The following RGSL1 variants were observed in gnomAD, a reference collection of about 807,000 sequenced individuals.
The protein encoded by RGSL1 is regulator of G protein signaling like 1.
Under a neutral mutation model 124.7 loss-of-function variants are expected in RGSL1, and 97 were observed. That is an observed-to-expected ratio of 0.78 (90% CI 0.66 to 0.92). RGSL1 has a LOEUF of 0.92. RGSL1 is among the 40% of genes least tolerant of loss of function. RGSL1 has a pLI of 0.00. For synonymous variants in RGSL1, 424 were observed against 438.1 expected, an observed-to-expected ratio of 0.97 and a Z score of 0.40; for missense variants, 1,233 against 1,288.4, an observed-to-expected ratio of 0.96 and a Z score of 0.66.
intron 6 of RGSL1, 83 bp from the exon 7 acceptor site, chr1:182,488,202 C>G (rs905815949): frequency 9.0e-6 from 12 of 1,340,458 alleles, no homozygotes; most frequent in Non-Finnish European, 1.1e-5. Context: ...TCAGCCTACT[C>G]TGCTCCCAGG....
rs1164958677 is a variant in RGSL1 at position 182,473,850 on chromosome 1, T to C, written c.739T>C (p.Ser247Pro). 1 of 1,551,748 alleles carries C rather than the reference T, an allele frequency of 6.4e-7. No homozygotes were observed. Among genetic ancestry groups the C allele is most frequent in the South Asian group, 1.2e-5 (1 of 84,050 alleles). ...KKCHHFQKRY[S>P]SRKAKRKMWQ... is the part of the protein sequence containing the mutation. ...GTGCCACCACTTTCAGAAACGGTAC[T>C]CAAGCAGGAAAGCCAAGAGGAAGAT... is the stretch of plus-strand genomic sequence containing the variant. Residue 247 changes from serine (S) to proline (P), a missense_variant, in exon 6 of 22, where the codon TCA (serine) becomes CCA (proline). Transcript: ENST00000294854.
At chr1:182,526,078 A>G (rs1008307279) in intron 10 of RGSL1, among the ~76,000 whole-genome samples, 2 of 152,218 alleles carry the variant, frequency 1.3e-5, no homozygotes, top group African/African-American at 2.4e-5. Context: ...ATAAGAAAAA[A>G]ATTGAATTAG....
At chr1:182,486,715 G>A (rs1008466718) in intron 6 of RGSL1, among the ~76,000 whole-genome samples, 6 of 151,780 alleles carry the variant, frequency 4.0e-5, no homozygotes, top group Non-Finnish European at 5.9e-5. Flanking sequence ...CATTCTTGTC[G>A]CCCAGGCTGG....
Position 182,493,409 on chromosome 1 carries a change from T to C in RGSL1, c.1825+280T>C, listed in dbSNP as rs898325505. On this transcript the variant is annotated intron_variant, in intron 9 of 21. Transcript: ENST00000294854. ...TCTAGTTATCACTCTGGGGTTTTAATTAATGTGAATTCTTCTTCTGTCAAG... is the reference window on the plus strand; with the variant it reads ...TCTAGTTATCACTCTGGGGTTTTAACTAATGTGAATTCTTCTTCTGTCAAG... Among the ~76,000 whole-genome samples the C allele has an allele frequency of 2.0e-5, 3 of 152,222 alleles. No individual in the cohort carries two copies. In the East Asian group the frequency reaches 5.8e-4, roughly 29 times the overall value.
intron 21 of RGSL1, among the ~76,000 whole-genome samples, chr1:182,557,931 A>G (rs545103467): frequency 3.4e-4 from 52 of 152,262 alleles, no homozygotes; most frequent in Non-Finnish European, 6.3e-4. Flanking sequence ...AACGCAGTCC[A>G]TGAGAGATAA....
chr1:182,481,400 T>G (rs886356272), intron 6 of RGSL1, among the ~76,000 whole-genome samples: 3 of 152,102 alleles, frequency 2.0e-5, no homozygotes, highest in Non-Finnish European at 4.4e-5. Context: ...GAGAAGAAAT[T>G]GAAAGCCTGA....
intron 6 of RGSL1, among the ~76,000 whole-genome samples, chr1:182,482,253 T>A (rs2102067371): frequency 6.6e-6 from 1 of 152,228 alleles, no homozygotes; most frequent in Non-Finnish European, 1.5e-5. Flanking sequence ...TAAAGGCCAT[T>A]TATGAAAAGC....
intron 11 of RGSL1, among the ~76,000 whole-genome samples, 177 bp from the exon 12 acceptor site, chr1:182,530,067 T>C (rs969957257): frequency 6.6e-6 from 1 of 152,066 alleles, no homozygotes; most frequent in Non-Finnish European, 1.5e-5. Flanking sequence ...CATTTGTACA[T>C]AGCATTTCAA....
At chr1:182,448,342 C>T (rs529595037), upstream of RGSL1, 8 of 152,246 alleles carry the variant, frequency 5.3e-5, no homozygotes, top group Admixed American at 4.6e-4. Context: ...GTGCCTCAGA[C>T]TTCTGAGTAG....
At chr1:182,536,807 T>C (rs1228280052) in intron 14 of RGSL1, among the ~76,000 whole-genome samples, 1 of 152,144 alleles carries the variant, frequency 6.6e-6, no homozygotes, top group East Asian at 1.9e-4. Context: ...ACTTATTCAC[T>C]ATCATGAGAA....
chr1:182,513,996 C>T (rs1327946909), intron 9 of RGSL1, among the ~76,000 whole-genome samples: 3 of 150,988 alleles, frequency 2.0e-5, no homozygotes, highest in Non-Finnish European at 2.9e-5. Context: ...TGGGTTCAAG[C>T]GAGTCTCCTG....
At chr1:182,522,261 T>C (rs931761035) in intron 10 of RGSL1, among the ~76,000 whole-genome samples, 152 bp downstream of exon 10, 1 of 152,208 alleles carries the variant, frequency 6.6e-6, no homozygotes, top group Non-Finnish European at 1.5e-5. Flanking sequence ...CTTAGTATTT[T>C]AAATCATTTA....
chr1:182,483,342 G>C (rs1654853016), intron 6 of RGSL1, among the ~76,000 whole-genome samples: 2 of 152,024 alleles, frequency 1.3e-5, no homozygotes, highest in Non-Finnish European at 2.9e-5. Flanking sequence ...TGTGATGACA[G>C]TTTAATGGGT....
At chr1:182,454,794 A>G (rs1471556758) in intron 2 of RGSL1, among the ~76,000 whole-genome samples, 2 of 152,152 alleles carry the variant, frequency 1.3e-5, no homozygotes, top group African/African-American at 4.8e-5. Flanking sequence ...TCAAACATCA[A>G]AGTATTCTTA....
chr1:182,493,247 G>A (rs768550441), intron 9 of RGSL1, 118 bp downstream of exon 9: 7 of 690,744 alleles, frequency 1.0e-5, no homozygotes, highest in African/African-American at 1.8e-5. Context: ...TGCTCTGTTG[G>A]AAATGGAGAG....
At chr1:182,454,327 A>G (rs989519133) in intron 2 of RGSL1, among the ~76,000 whole-genome samples, 2 of 152,076 alleles carry the variant, frequency 1.3e-5, no homozygotes, top group African/African-American at 4.8e-5. Flanking sequence ...GCTGATCCCC[A>G]GTGCTCTGTT....
chr1:182,464,819 G>T (rs1226916026), intron 4 of RGSL1, among the ~76,000 whole-genome samples: 1 of 151,926 alleles, frequency 6.6e-6, no homozygotes, highest in African/African-American at 2.4e-5. Flanking sequence ...TGACATGATG[G>T]TTCATGCCTG....
intron 17 of RGSL1, chr1:182,550,435 C>G (rs958739902): frequency 1.3e-5 from 2 of 152,144 alleles, no homozygotes; most frequent in African/African-American, 4.8e-5. Flanking sequence ...TCCAAAGTGC[C>G]ATAGAAAATA....
rs149118770 is a variant in RGSL1 at position 182,495,763 on chromosome 1, A to G, written c.1825+2634A>G. The stretch of plus-strand genomic sequence containing the variant: ...TTCCTCTTCTGTCAGCTGGTCATCA[A>G]TGTGACCAGCCATAGATGTGATGAC... On this transcript the variant is annotated intron_variant, in intron 9 of 21. Coordinates refer to ENST00000294854, the MANE Select transcript of RGSL1 (RefSeq NM_001137669.2). Among the ~76,000 whole-genome samples the G allele has an allele frequency of 3.3e-3, 498 of 152,268 alleles. 1 individual carries two copies. Among genetic ancestry groups the G allele is most frequent in the Admixed American group, 5.2e-3 (79 of 15,298 alleles).
Sources: gnomAD v4.1 joint callset for allele counts (sites outside exome capture counted in the v4.1 genomes callset) on GRCh38, gnomAD v4.1.1 for gene constraint, MANE v1.5 for transcripts, NCBI Gene and HGNC (gene_info 2026-07-23, HGNC 2026-07-21) for gene names.